Variants in TMTC2 observed in about 807,000 individuals in gnomAD.
TMTC2 encodes transmembrane O-mannosyltransferase targeting cadherins 2, also known as protein O-mannosyl-transferase TMTC2.
TMTC2 carries 43 observed loss-of-function variants against 82.4 expected under a neutral mutation model. That is an observed-to-expected ratio of 0.52 (90% CI 0.41 to 0.67). The LOEUF is 0.67. Among genes scored for constraint, TMTC2 ranks in the 30% least tolerant of loss-of-function variants. The pLI, the probability that TMTC2 is intolerant of heterozygous loss-of-function variation, is 0.00. For missense variants in TMTC2, 919 were observed against 1,012.4 expected (o/e 0.91, Z 1.25); for synonymous variants, 408 against 381.9 (o/e 1.07, Z -0.80).
intron 8 of TMTC2, among the ~76,000 whole-genome samples, chr12:83,009,887 G>A (rs1168940150): frequency 6.6e-6 from 1 of 152,162 alleles, no homozygotes; most frequent in Non-Finnish European, 1.5e-5. Flanking sequence ...TTTTCATAAG[G>A]AGTACACAAC....
At chr12:82,892,857 T>G (rs1482705860) in intron 2 of TMTC2, among the ~76,000 whole-genome samples, 1 of 152,216 alleles carries the variant, frequency 6.6e-6, no homozygotes, top group Non-Finnish European at 1.5e-5. Flanking sequence ...CTTTGCCAAA[T>G]GGTGTTTCTC....
rs1018969996 is a variant in TMTC2 at position 82,687,290 on chromosome 12, C to T, written c.-297C>T. The stretch of plus-strand genomic sequence containing the variant: ...ATCGCGACCCGCGCGAAAGACCAGC[C>T]CTGCGCTTCCGCCGGGGGACGCGGA... On this transcript the variant is annotated 5_prime_UTR_variant, in exon 1 of 12. Transcript: ENST00000321196. The T allele has an allele frequency of 4.7e-5, 23 of 491,312 alleles. No individual in the cohort carries two copies. Among genetic ancestry groups the T allele is most frequent in the Non-Finnish European group, 8.6e-5 (23 of 268,188 alleles). 30.4% of individuals were successfully genotyped at this position (491,312 alleles called of 1,614,324 possible).
intron 4 of TMTC2, among the ~76,000 whole-genome samples, chr12:82,944,411 C>T (rs10862525): frequency 0.73 from 109,545 of 151,008 alleles, 41,102 homozygotes; most frequent in South Asian, 0.85. Context: ...GGTGAAACCC[C>T]ATCTCTACTA....
intron 1 of TMTC2, among the ~76,000 whole-genome samples, chr12:82,780,763 T>C (rs1427212620): frequency 2.0e-5 from 3 of 152,088 alleles, no homozygotes; most frequent in Non-Finnish European, 4.4e-5. Context: ...ACACAAAATG[T>C]CAATTGTGTA....
chr12:82,912,339 A>G (rs1449971507), intron 3 of TMTC2, among the ~76,000 whole-genome samples: 2 of 150,916 alleles, frequency 1.3e-5, no homozygotes, highest in African/African-American at 4.9e-5. Flanking sequence ...ACAGTCGTTT[A>G]ATATTTGGGG....
intron 2 of TMTC2, among the ~76,000 whole-genome samples, chr12:82,884,631 A>G (rs895625125): frequency 6.6e-6 from 1 of 152,158 alleles, no homozygotes; most frequent in Non-Finnish European, 1.5e-5. Flanking sequence ...TATTTTTTAG[A>G]ACAGTTTTAG....
chr12:83,065,213 A>G (rs1379420458), intron 11 of TMTC2, among the ~76,000 whole-genome samples: 1 of 151,948 alleles, frequency 6.6e-6, no homozygotes, highest in African/African-American at 2.4e-5. Flanking sequence ...TAAAATACCT[A>G]TTCCATTTCT....
At chr12:82,996,538 T>A (rs578079671) in intron 8 of TMTC2, among the ~76,000 whole-genome samples, 4 of 152,362 alleles carry the variant, frequency 2.6e-5, no homozygotes, top group Admixed American at 2.6e-4. Context: ...TTCTTGAGCA[T>A]ATACTGTAAT....
intron 7 of TMTC2, among the ~76,000 whole-genome samples, chr12:82,977,065 A>G (rs1340626287): frequency 6.6e-6 from 1 of 151,984 alleles, no homozygotes; most frequent in Admixed American, 6.6e-5. Context: ...TAGCAGAAAG[A>G]TTATAATTGC....
chr12:82,947,556 T>C (rs1877084516), intron 4 of TMTC2, among the ~76,000 whole-genome samples: 1 of 147,356 alleles, frequency 6.8e-6, no homozygotes, highest in Admixed American at 6.6e-5. Flanking sequence ...GGTCTCGATC[T>C]CCTGACCTGG....
intron 1 of TMTC2, among the ~76,000 whole-genome samples, chr12:82,765,710 CAAACA>C (rs902789887): frequency 1.4e-5 from 2 of 146,508 alleles, no homozygotes; most frequent in African/African-American, 5.4e-5. Context: ...AACAAACAAA[CAAACA>C]AAAAAAAACA....
chr12:82,739,468 A>G (rs910488860), intron 1 of TMTC2, among the ~76,000 whole-genome samples: 4 of 152,110 alleles, frequency 2.6e-5, no homozygotes, highest in African/African-American at 9.7e-5. Flanking sequence ...AGATGGGCCA[A>G]AAAGCAGATG....
intron 2 of TMTC2, among the ~76,000 whole-genome samples, chr12:82,890,109 C>T (rs1873321088): frequency 6.6e-6 from 1 of 152,150 alleles, no homozygotes; most frequent in South Asian, 2.1e-4. Flanking sequence ...TGAAGTCTAT[C>T]TCTTTAGTTT....
At chr12:82,784,575 T>C (rs887750835) in intron 1 of TMTC2, among the ~76,000 whole-genome samples, 2 of 152,136 alleles carry the variant, frequency 1.3e-5, no homozygotes, top group Non-Finnish European at 2.9e-5. Context: ...GTTGTGAACA[T>C]TAAAAGGAAG....
intron 11 of TMTC2, among the ~76,000 whole-genome samples, chr12:83,073,234 G>C (rs992136909): frequency 2.0e-5 from 3 of 152,116 alleles, no homozygotes; most frequent in African/African-American, 7.2e-5. Flanking sequence ...TCCTTCATAT[G>C]ATGCTTAGTT....
intron 7 of TMTC2, among the ~76,000 whole-genome samples, chr12:82,976,866 T>C (rs1480389707): frequency 1.3e-5 from 2 of 152,018 alleles, no homozygotes; most frequent in Non-Finnish European, 1.5e-5. Context: ...TCTGGAAATT[T>C]CTCTTCAAGG....
chr12:82,844,007 T>TGAGC (rs1870492954), intron 1 of TMTC2, among the ~76,000 whole-genome samples: 1 of 152,176 alleles, frequency 6.6e-6, no homozygotes, highest in Non-Finnish European at 1.5e-5. Context: ...GAGTATTAGG[T>TGAGC]GAGCAGATAA....
intron 1 of TMTC2, among the ~76,000 whole-genome samples, chr12:82,716,799 T>C (rs184291173): frequency 6.6e-6 from 1 of 152,298 alleles, no homozygotes; most frequent in Admixed American, 6.5e-5. Flanking sequence ...CATTCACTAA[T>C]AGAAAATGAT....
chr12:82,918,058 A>G (rs1875121737), intron 3 of TMTC2, among the ~76,000 whole-genome samples: 1 of 152,034 alleles, frequency 6.6e-6, no homozygotes, highest in Admixed American at 6.6e-5. Context: ...ACCCCAGCCT[A>G]CAGCATGCAT....
Sources: gnomAD v4.1 joint callset for allele counts (sites outside exome capture counted in the v4.1 genomes callset) on GRCh38, gnomAD v4.1.1 for gene constraint, MANE v1.5 for transcripts, NCBI Gene and HGNC (gene_info 2026-07-23, HGNC 2026-07-21) for gene names.